ARHGEF18: variants seen among roughly 807,000 people sequenced by gnomAD.
ARHGEF18 encodes Rho/Rac guanine nucleotide exchange factor 18.
Under a neutral mutation model 155.7 loss-of-function variants are expected in ARHGEF18, and 93 were observed. That is an observed-to-expected ratio of 0.60 (90% confidence interval 0.50 to 0.71). ARHGEF18 has a LOEUF of 0.71. Among genes scored for constraint, ARHGEF18 ranks in the 30% least tolerant of loss-of-function variants. ARHGEF18 has a pLI of 0.00. For synonymous variants in ARHGEF18, 742 were observed against 753.1 expected (o/e 0.99, Z 0.24); for missense variants, 1,593 against 1,816.1 (o/e 0.88, Z 2.23).
intron 2 of ARHGEF18, among the ~76,000 whole-genome samples, chr19:7,366,401 C>T (rs12460156): frequency 0.56 from 85,403 of 152,100 alleles, 26,565 homozygotes; most frequent in Middle Eastern, 0.74. Context: ...TGCTTAAAGG[C>T]GCCATGAGCT....
At chr19:7,373,304 T>C (rs1489039078) in intron 3 of ARHGEF18, among the ~76,000 whole-genome samples, 1 of 152,198 alleles carries the variant, frequency 6.6e-6, no homozygotes, top group Non-Finnish European at 1.5e-5. Flanking sequence ...ACTTTATTTA[T>C]ATTACGTTGT....
intron 15 of ARHGEF18, among the ~76,000 whole-genome samples, chr19:7,450,505 A>T: frequency 6.9e-6 from 1 of 145,522 alleles, no homozygotes; most frequent in Non-Finnish European, 1.5e-5. Flanking sequence ...TTAATACGGG[A>T]TCTTGCTGTC....
At position 7,376,723 on chromosome 19, in the gene ARHGEF18, T is replaced by C; in HGVS notation, c.507T>C (p.Ser169=). The C allele has an allele frequency of 8.1e-7, 1 of 1,234,448 alleles. No homozygotes were observed. The highest frequency in any genetic ancestry group is 1.0e-6 in the Non-Finnish European group (1 of 988,228). 76.5% of individuals were successfully genotyped at this position (1,234,448 alleles called of 1,614,324 possible). The change falls in exon 5 of 29, where the codon TCT becomes TCC. Residue 169 remains serine (S), a synonymous_variant. Transcript: ENST00000668164. The stretch of plus-strand genomic sequence containing the variant: ...ATGAGATCCGCTCTCCGGAAATCTC[T>C]CCGGGTTTGGAAGTGCCCACTCCAC... ...SFYEIRSPEI[S]PGLEVPTPPV... is the part of the protein sequence containing the mutation.
intron 1 of ARHGEF18, among the ~76,000 whole-genome samples, chr19:7,360,131 C>T (rs1352713406): frequency 6.6e-6 from 1 of 151,910 alleles, no homozygotes; most frequent in Non-Finnish European, 1.5e-5. Flanking sequence ...GCCTGGGTGA[C>T]AGAGCAAGAC....
chr19:7,478,466 A>G, the ARHGEF18 span: 2 of 1,363,410 alleles, frequency 1.5e-6, no homozygotes, highest in Admixed American at 3.9e-5. Flanking sequence ...AGTCTGGGAC[A>G]GGTGCTGCAT....
Position 7,463,160 on chromosome 19 carries a change from A to C in ARHGEF18, c.2636-658A>C, listed in dbSNP as rs966997342. Among the ~76,000 whole-genome samples the C allele has an allele frequency of 3.9e-5, 6 of 152,070 alleles. No homozygotes were observed. The highest frequency in any genetic ancestry group is 1.2e-4 in the African/African-American group (5 of 41,414). On this transcript the variant is annotated intron_variant, in intron 21 of 28. Transcript: ENST00000668164. This position sits in a 1 kb window ranked among gnomAD's most constrained non-coding sequence, Gnocchi z 5.2. ...CAATCTGCTCTTTCAACAGTGAGGG[A>C]AGCCGACTCAGCCCCTGCCTTCCAG...
Position 7,440,794 on chromosome 19 carries a change from T to G in ARHGEF18, c.1106+312T>G, listed in dbSNP as rs945904909. On this transcript the variant is annotated intron_variant, in intron 11 of 28. Transcript: ENST00000668164. The surrounding 1 kb of genome is among the most constrained non-coding windows in gnomAD (Gnocchi z 5.4). ...GCGATGCTCAAAGTCCTGCTGGGTG[T>G]GTGGAGGCGGCGTCCCATTATCTGT... Among the ~76,000 whole-genome samples, 4 of 152,138 alleles carry G rather than the reference T, an allele frequency of 2.6e-5. No homozygotes were observed. The highest frequency in any genetic ancestry group is 5.9e-5 in the Non-Finnish European group (4 of 68,018).
intron 1 of ARHGEF18, among the ~76,000 whole-genome samples, chr19:7,361,452 A>G (rs1415286035): frequency 1.3e-5 from 2 of 152,174 alleles, no homozygotes; most frequent in African/African-American, 2.4e-5. Context: ...AAGAGACTGC[A>G]TAACAGCGGT....
chr19:7,378,317 C>T (rs906051935), intron 5 of ARHGEF18, 77 bp from the exon 6 acceptor site: 8 of 1,153,596 alleles, frequency 6.9e-6, no homozygotes, highest in Middle Eastern at 2.1e-4. Context: ...GGGTGGCATC[C>T]GGGAGGGCTC....
chr19:7,398,336 GC>G (rs1402725694), intron 10 of ARHGEF18, among the ~76,000 whole-genome samples: 3 of 152,064 alleles, frequency 2.0e-5, no homozygotes, highest in African/African-American at 7.2e-5. Flanking sequence ...CTCCAAGAGA[GC>G]TGAGATTACA....
intron 10 of ARHGEF18, among the ~76,000 whole-genome samples, chr19:7,418,031 C>T (rs545153602): frequency 3.9e-5 from 6 of 152,278 alleles, no homozygotes; most frequent in South Asian, 2.1e-4. Flanking sequence ...ACAGTGAAGA[C>T]GGGTTCCTGG....
intron 7 of ARHGEF18, 104 bp downstream of exon 7, chr19:7,379,270 G>A: frequency 9.3e-7 from 1 of 1,077,604 alleles, no homozygotes. Context: ...AGAGAAGACT[G>A]GGTGAGGGCT....
intron 15 of ARHGEF18, among the ~76,000 whole-genome samples, chr19:7,450,089 C>G (rs527991673): frequency 8.6e-5 from 13 of 151,950 alleles, no homozygotes; most frequent in Non-Finnish European, 1.8e-4. Context: ...GGAAGGAGCC[C>G]CCAGCCTTGG....
At chr19:7,397,994 A>G (rs1231492552) in intron 10 of ARHGEF18, among the ~76,000 whole-genome samples, 1 of 152,240 alleles carries the variant, frequency 6.6e-6, no homozygotes, top group African/African-American at 2.4e-5. Context: ...AATGAGAGCT[A>G]TGCGAAGTGC....
At chr19:7,453,024 C>T (rs1347337309) in intron 16 of ARHGEF18, among the ~76,000 whole-genome samples, 5 of 151,698 alleles carry the variant, frequency 3.3e-5, no homozygotes, top group South Asian at 2.1e-4. Context: ...AGTGAAACCC[C>T]GTCTCTACTA....
rs1568285853 is a variant in ARHGEF18, at chr19:7,385,886, CCCT to C, written c.967+2686_967+2688del. Among the ~76,000 whole-genome samples, 181 of 62,610 alleles carry C rather than the reference CCCT, an allele frequency of 2.9e-3. 17 individuals are homozygous for C. Among genetic ancestry groups the C allele is most frequent in the African/African-American group, 0.016 (142 of 9,082 alleles). 41.1% of individuals were successfully genotyped at this position (62,610 alleles called of 152,430 possible). A position where few individuals can be genotyped will look rare whatever the true frequency, so the allele number is the denominator to read the frequency against. ...CTCTCTCTCTCCCCCCTCCCTCTCT[CCCT>C]CCCTCCCTCTCTCTCTCCCTCTCTC... On this transcript the variant is annotated intron_variant, in intron 10 of 28. Transcript: ENST00000668164.
intron 10 of ARHGEF18, among the ~76,000 whole-genome samples, chr19:7,428,708 A>G (rs1259272975): frequency 1.3e-5 from 2 of 152,030 alleles, no homozygotes; most frequent in Non-Finnish European, 2.9e-5. Context: ...CTGTGTCGAA[A>G]AAACGAAAGT....
At chr19:7,433,143 G>T (rs1487411128) in intron 10 of ARHGEF18, among the ~76,000 whole-genome samples, 1 of 150,144 alleles carries the variant, frequency 6.7e-6, no homozygotes, top group Non-Finnish European at 1.5e-5. Flanking sequence ...CCTAGATGAT[G>T]GAGCGAGAAT....
chr19:7,406,880 C>A (rs1600323934), intron 10 of ARHGEF18, among the ~76,000 whole-genome samples: 1 of 150,750 alleles, frequency 6.6e-6, no homozygotes, highest in South Asian at 2.1e-4. Context: ...CAGTGAAACC[C>A]CGTCTCTACT....
Sources: gnomAD v4.1 joint callset for allele counts (sites outside exome capture counted in the v4.1 genomes callset) on GRCh38, gnomAD v4.1.1 for gene constraint, Gnocchi (gnomAD v3.1) non-coding constraint, MANE v1.5 for transcripts, NCBI Gene and HGNC (gene_info 2026-07-23, HGNC 2026-07-21) for gene names.